UBE2H: variants seen among roughly 807,000 people sequenced by gnomAD.
UBE2H encodes the protein ubiquitin conjugating enzyme E2 H.
Under a neutral mutation model 29.0 loss-of-function variants are expected in UBE2H, and 3 were observed. The ratio of observed to expected loss-of-function variants is 0.10; its 90% CI spans 0.05 to 0.27. The LOEUF is 0.27. UBE2H is among the 10% of genes least tolerant of loss of function. UBE2H has a pLI of 1.00. For missense variants in UBE2H, 68 were observed against 228.2 expected, an observed-to-expected ratio of 0.30 and a Z score of 4.52; for synonymous variants, 69 against 82.9, an observed-to-expected ratio of 0.83 and a Z score of 0.91.
intron 5 of UBE2H, among the ~76,000 whole-genome samples, chr7:129,856,720 C>T (rs1805712619): frequency 6.6e-6 from 1 of 152,164 alleles, no homozygotes. Context: ...CATGGGTCCA[C>T]ACACAGTTTG....
intron 1 of UBE2H, among the ~76,000 whole-genome samples, chr7:129,937,399 C>G (rs1417922419): frequency 2.0e-5 from 3 of 152,054 alleles, no homozygotes; most frequent in African/African-American, 4.8e-5. Context: ...TCTTTATGAA[C>G]CACAAATACA....
chr7:129,933,403 TG>T (rs1467110103), intron 1 of UBE2H, among the ~76,000 whole-genome samples: 3 of 152,226 alleles, frequency 2.0e-5, no homozygotes, highest in Non-Finnish European at 4.4e-5. Context: ...CTCCATAATT[TG>T]GATGAGTTTA....
At position 129,864,552 on chromosome 7, in the gene UBE2H, C is replaced by CT. The variant is rs757244811; in HGVS notation, c.206-5612dup. 1.4e-3 allele frequency among the ~76,000 whole-genome samples: 105 copies of CT among 75,678 alleles called. 2 individuals carry two copies. Among genetic ancestry groups the CT allele is most frequent in the Middle Eastern group, 6.2e-3 (1 of 162 alleles). The allele number at this position is 75,678 out of a possible 152,430, so 49.6% of individuals were successfully genotyped here. A position where few individuals can be genotyped will look rare whatever the true frequency, so the allele number is the denominator to read the frequency against. On this transcript the variant is annotated intron_variant, in intron 3 of 6. Coordinates refer to ENST00000355621, the MANE Select transcript of UBE2H (RefSeq NM_003344.4). ...CTACCAGGCATTTTCTTTTTCTTTT[C>CT]TTTCTTTTTTTTTTTTTTTGAGACA...
At chr7:129,863,442 T>C (rs1418548050) in intron 3 of UBE2H, among the ~76,000 whole-genome samples, 4 of 152,228 alleles carry the variant, frequency 2.6e-5, no homozygotes, top group Non-Finnish European at 5.9e-5. Flanking sequence ...AGTTGAACTA[T>C]ATGATCTCCC....
intron 1 of UBE2H, among the ~76,000 whole-genome samples, chr7:129,911,599 T>C (rs1806939197): frequency 6.6e-6 from 1 of 152,084 alleles, no homozygotes; most frequent in Admixed American, 6.6e-5. Context: ...ACCTAGAGTT[T>C]AGGAAACAAC....
rs1256408062 is a variant in UBE2H, at chr7:129,834,884, G to A, written c.*53C>T. ...TGTTTAAATATGAATATTATAGTCT[G>A]CTTCTCATGGTTAGGAAATAATAGT... On this transcript the variant is annotated 3_prime_UTR_variant, in exon 7 of 7. Coordinates refer to ENST00000355621, the MANE Select transcript of UBE2H (RefSeq NM_003344.4). 1 of 1,604,484 alleles carries A rather than the reference G, an allele frequency of 6.2e-7. No individual in the cohort carries two copies. Among genetic ancestry groups the A allele is most frequent in the African/African-American group, 1.3e-5 (1 of 74,400 alleles).
intron 5 of UBE2H, among the ~76,000 whole-genome samples, chr7:129,847,799 A>C (rs1265281223): frequency 6.6e-6 from 1 of 152,130 alleles, no homozygotes; most frequent in Non-Finnish European, 1.5e-5. Flanking sequence ...CATTCCCTTC[A>C]CCTAATGAAG....
intron 6 of UBE2H, 146 bp downstream of exon 6, chr7:129,839,061 G>T: frequency 1.6e-6 from 2 of 1,220,756 alleles, no homozygotes; most frequent in Non-Finnish European, 2.2e-6. Flanking sequence ...CCCGAGGTTG[G>T]TGAGCACTAC....
At chr7:129,909,951 C>A (rs187394697) in intron 1 of UBE2H, among the ~76,000 whole-genome samples, 1 of 151,816 alleles carries the variant, frequency 6.6e-6, no homozygotes, top group African/African-American at 2.4e-5. Context: ...ACAGAAGACA[C>A]GAAAAGGGTT....
intron 1 of UBE2H, among the ~76,000 whole-genome samples, chr7:129,922,376 C>T (rs1383993323): frequency 6.6e-6 from 1 of 152,056 alleles, no homozygotes; most frequent in Admixed American, 6.6e-5. Flanking sequence ...ACCTCTGCCT[C>T]TTGGGCTCAA....
intron 1 of UBE2H, among the ~76,000 whole-genome samples, chr7:129,918,990 A>G (rs549675206): frequency 6.6e-6 from 1 of 151,670 alleles, no homozygotes; most frequent in African/African-American, 2.4e-5. Flanking sequence ...TGGCTGAGGT[A>G]GAAGGATCAC....
intron 3 of UBE2H, among the ~76,000 whole-genome samples, chr7:129,871,949 T>A (rs1197332958): frequency 6.6e-6 from 1 of 152,036 alleles, no homozygotes; most frequent in Non-Finnish European, 1.5e-5. Context: ...TGGGTTCAAG[T>A]AATTCTCCTT....
At chr7:129,859,038 A>G (rs1442870894) in intron 3 of UBE2H, 97 bp from the exon 4 acceptor site, 1 of 933,550 alleles carries the variant, frequency 1.1e-6, no homozygotes, top group Non-Finnish European at 1.7e-6. Flanking sequence ...AAAAGGTGAT[A>G]ATACTTATAA....
intron 3 of UBE2H, among the ~76,000 whole-genome samples, chr7:129,866,287 G>A (rs2116334848): frequency 6.6e-6 from 1 of 152,286 alleles, no homozygotes; most frequent in East Asian, 1.9e-4. Flanking sequence ...AGAGTCTGAG[G>A]AATGGGCTAG....
chr7:129,951,652 G>A (rs1807878530), intron 1 of UBE2H, among the ~76,000 whole-genome samples: 1 of 152,132 alleles, frequency 6.6e-6, no homozygotes, highest in African/African-American at 2.4e-5. Context: ...GGGGGAGGGG[G>A]CAGAAAATAA....
At position 129,952,556 on chromosome 7, in the gene UBE2H, G is replaced by A. The variant is rs116587081; in HGVS notation, c.-1C>T. 3,616 of 1,611,444 alleles carry A rather than the reference G, an allele frequency of 2.2e-3. 75 individuals carry two copies. The African/African-American group carries it at 0.042, about 19-fold the overall frequency. ...TCTTGCCCGGACTGGGAGATGACAT[G>A]GTGTCGCCGCCGCCTCTCTCCCTTC... On this transcript the variant is annotated 5_prime_UTR_variant, in exon 1 of 7. Coordinates refer to ENST00000355621, the MANE Select transcript of UBE2H (RefSeq NM_003344.4).
At chr7:129,847,251 C>G (rs1456472713) in intron 5 of UBE2H, among the ~76,000 whole-genome samples, 2 of 152,200 alleles carry the variant, frequency 1.3e-5, no homozygotes, top group African/African-American at 4.8e-5. Context: ...GTTGGCCAGG[C>G]TGGTCTCGAA....
At chr7:129,932,084 A>T in intron 1 of UBE2H, among the ~76,000 whole-genome samples, 1 of 149,838 alleles carries the variant, frequency 6.7e-6, no homozygotes. Context: ...GGCCTCCCAA[A>T]GTGCTGGGAT....
intron 1 of UBE2H, among the ~76,000 whole-genome samples, chr7:129,920,848 C>CAAAAAAAAAAAAAAAAAAA (rs11347186): frequency 1.4e-5 from 1 of 73,998 alleles, no homozygotes; most frequent in Non-Finnish European, 2.6e-5. Context: ...TAGAAAAAGT[C>CAAAAAAAAAAAAAAAAAAA]AAAAAAAAAA....
Sources: allele counts gnomAD v4.1 joint callset (sites outside exome capture counted in the v4.1 genomes callset), GRCh38; gene constraint gnomAD v4.1.1; transcripts MANE v1.5; gene names NCBI Gene and HGNC (gene_info 2026-07-23, HGNC 2026-07-21).